Variants in CASR observed in about 807,000 individuals in gnomAD.
CASR encodes extracellular calcium-sensing receptor.
CASR carries 23 observed loss-of-function variants against 69.1 expected under a neutral mutation model. The observed-to-expected ratio is 0.33, with a 90% CI of 0.24 to 0.47. The LOEUF (loss-of-function observed/expected upper bound fraction) is 0.47. Ranked by LOEUF, CASR falls within the 20% of genes least tolerant of loss-of-function variation. The pLI, the probability that CASR is intolerant of heterozygous loss-of-function variation, is 1.00. For synonymous variants in CASR, 541 were observed against 544.7 expected, an observed-to-expected ratio of 0.99 and a Z score of 0.10; for missense variants, 924 against 1,356.1, an observed-to-expected ratio of 0.68 and a Z score of 5.00.
intron 5 of CASR, 29 bp downstream of exon 5, chr3:122,276,071 G>A (rs559849402): frequency 2.8e-6 from 4 of 1,408,990 alleles, no homozygotes; most frequent in South Asian, 1.2e-5. Context: ...AAAACCAGAT[G>A]TCTCCACCAG....
At chr3:122,234,783 G>A (rs1463539838) in intron 1 of CASR, among the ~76,000 whole-genome samples, 1 of 152,156 alleles carries the variant, frequency 6.6e-6, no homozygotes, top group Non-Finnish European at 1.5e-5. Flanking sequence ...GGGCTTCTTT[G>A]GGGAAAGTTT....
intron 1 of CASR, among the ~76,000 whole-genome samples, chr3:122,210,786 C>T (rs543877024): frequency 6.6e-6 from 1 of 152,194 alleles, no homozygotes; most frequent in Non-Finnish European, 1.5e-5. Context: ...CCAAAATAAT[C>T]CTAAGCAAAA....
In CASR at chr3:122,286,532, A is replaced by C. The variant is rs1252556426; in HGVS notation, c.*1341A>C. ...TAATAATTATTTTTTCCCTTACTTC[A>C]AATACAAAACAAAACATACATATTA... is the stretch of plus-strand genomic sequence containing the variant. On this transcript the variant is annotated 3_prime_UTR_variant, in exon 7 of 7. Transcript: ENST00000639785. 2.0e-5 allele frequency: 3 copies of C among 152,210 alleles called. No homozygotes were observed. In the East Asian group the frequency reaches 5.8e-4, roughly 29 times the overall value. 9.4% of individuals were successfully genotyped at this position (152,210 alleles called of 1,614,324 possible). A position where few individuals can be genotyped will look rare whatever the true frequency, so the allele number is the denominator to read the frequency against.
At chr3:122,186,992 A>G (rs2073792601) in intron 1 of CASR, among the ~76,000 whole-genome samples, 1 of 152,212 alleles carries the variant, frequency 6.6e-6, no homozygotes, top group Non-Finnish European at 1.5e-5. Flanking sequence ...CCATTGCTGT[A>G]TTCTTGCTTT....
chr3:122,277,772 C>G (rs915761728), intron 5 of CASR, among the ~76,000 whole-genome samples: 5 of 152,196 alleles, frequency 3.3e-5, no homozygotes, highest in African/African-American at 1.2e-4. Context: ...TCTAATGGCA[C>G]ATGTCTCTCC....
chr3:122,247,590 G>A (rs537822609), intron 1 of CASR: 1 of 152,266 alleles, frequency 6.6e-6, no homozygotes, highest in East Asian at 1.9e-4. Flanking sequence ...ACTTCCTGTG[G>A]GCTATGTCGC....
intron 5 of CASR, among the ~76,000 whole-genome samples, chr3:122,279,169 A>C (rs926035807): frequency 9.9e-5 from 15 of 152,170 alleles, no homozygotes; most frequent in African/African-American, 3.6e-4. Context: ...GCAAAGACAA[A>C]CATGTCAGAA....
intron 4 of CASR, among the ~76,000 whole-genome samples, chr3:122,269,351 C>T (rs2074730409): frequency 6.6e-6 from 1 of 152,178 alleles, no homozygotes; most frequent in African/African-American, 2.4e-5. Flanking sequence ...ATGATGTTAA[C>T]TTTCATAGAT....
intron 1 of CASR, among the ~76,000 whole-genome samples, chr3:122,233,432 T>G (rs1012627265): frequency 1.3e-5 from 2 of 152,136 alleles, no homozygotes; most frequent in Non-Finnish European, 2.9e-5. Context: ...TCAGTCCCCT[T>G]CCCTGCTCTT....
At chr3:122,253,736 A>G (rs2074522945) in intron 1 of CASR, among the ~76,000 whole-genome samples, 1 of 152,250 alleles carries the variant, frequency 6.6e-6, no homozygotes, top group Admixed American at 6.5e-5. Flanking sequence ...TTGACCTCTC[A>G]TAACCTAACA....
chr3:122,243,705 A>G (rs2074400440), intron 1 of CASR, among the ~76,000 whole-genome samples: 1 of 152,160 alleles, frequency 6.6e-6, no homozygotes, highest in South Asian at 2.1e-4. Flanking sequence ...AAATCAGTAT[A>G]TCAAAGGGAT....
In CASR at chr3:122,290,068, G is replaced by C. The variant is rs1169537820; in HGVS notation, c.*4877G>C. 6.9e-6 allele frequency: 1 copy of C among 144,848 alleles called. No individual in the cohort carries two copies. The highest frequency in any genetic ancestry group is 1.5e-5 in the Non-Finnish European group (1 of 66,928). 9.0% of individuals were successfully genotyped at this position (144,848 alleles called of 1,614,324 possible). A position where few individuals can be genotyped will look rare whatever the true frequency, so the allele number is the denominator to read the frequency against. ...ACTGCACTCCAGCCTGGGTGACAGA[G>C]CAAGACCCTGCCAAAAAAAAAAAAA... On this transcript the variant is annotated 3_prime_UTR_variant, in exon 7 of 7. Transcript: ENST00000639785.
intron 1 of CASR, among the ~76,000 whole-genome samples, chr3:122,248,261 T>C (rs904384840): frequency 1.3e-5 from 2 of 152,240 alleles, no homozygotes; most frequent in Admixed American, 1.3e-4. Context: ...CCTAATTCTT[T>C]GGCAAATGTG....
chr3:122,209,922 G>C (rs1035791573), intron 1 of CASR, among the ~76,000 whole-genome samples: 2 of 152,156 alleles, frequency 1.3e-5, no homozygotes, highest in Non-Finnish European at 2.9e-5. Flanking sequence ...AGGATGCAAG[G>C]CTGGTTCAAA....
chr3:122,210,431 C>G (rs570419138), intron 1 of CASR, among the ~76,000 whole-genome samples: 87 of 152,176 alleles, frequency 5.7e-4, no homozygotes, highest in African/African-American at 2.0e-3. Context: ...ACAGACATTT[C>G]TATACACCGG....
intron 3 of CASR, among the ~76,000 whole-genome samples, chr3:122,259,415 C>A (rs1415743272): frequency 6.6e-6 from 1 of 152,078 alleles, no homozygotes; most frequent in Admixed American, 6.5e-5. Context: ...AATTTAACCA[C>A]CTGCCTCATA....
chr3:122,254,053 C>A lies in CASR; in HGVS notation c.-137C>A, dbSNP rs201074178. 4 of 841,032 alleles carry A rather than the reference C, an allele frequency of 4.8e-6. No homozygotes were observed. Among genetic ancestry groups the A allele is most frequent in the Non-Finnish European group, 6.1e-6 (3 of 490,342 alleles). The allele number at this position is 841,032 out of a possible 1,614,324, so 52.1% of individuals were successfully genotyped here. ...GGCAGAAATGGAGATTCAAACACCA[C>A]GTCTTCTATTATTTTATTAATCAAT... On this transcript the variant is annotated 5_prime_UTR_variant, in exon 2 of 7. Coordinates refer to ENST00000639785, the MANE Select transcript of CASR (RefSeq NM_000388.4).
chr3:122,257,114 TATG>T lies in CASR; in HGVS notation c.222_224del (p.Met74del). 6.2e-7 allele frequency: 1 copy of T among 1,614,182 alleles called. No individual in the cohort carries two copies. On this transcript the variant is annotated inframe_deletion, in exon 3 of 7. Transcript: ENST00000639785. Reference sequence around the variant, plus strand: ...TCCGTGGGTTTCGCTGGTTACAGGCTATGATATTTGCCATAGAGGAGATAAACA... The same window carrying T: ...TCCGTGGGTTTCGCTGGTTACAGGCTATATTTGCCATAGAGGAGATAAACA...
chr3:122,267,911 C>T (rs1161101100), intron 4 of CASR, among the ~76,000 whole-genome samples: 8 of 152,166 alleles, frequency 5.3e-5, no homozygotes, highest in African/African-American at 1.9e-4. Flanking sequence ...CACATCTCTA[C>T]CATTTCATTT....
Sources: gnomAD v4.1 joint callset for allele counts (sites outside exome capture counted in the v4.1 genomes callset) on GRCh38, gnomAD v4.1.1 for gene constraint, MANE v1.5 for transcripts, NCBI Gene and HGNC (gene_info 2026-07-23, HGNC 2026-07-21) for gene names.